The following ZNF391 variants were observed in gnomAD, a reference collection of about 807,000 sequenced individuals.
ZNF391 encodes zinc finger protein 391.
For missense variants in ZNF391, 375 were observed against 425.5 expected, an observed-to-expected ratio of 0.88 and a Z score of 1.04; for synonymous variants, 126 against 142.1, an observed-to-expected ratio of 0.89 and a Z score of 0.80.
chr6:27,384,620 G>A (rs1761558233), upstream of ZNF391, among the ~76,000 whole-genome samples: 1 of 151,976 alleles, frequency 6.6e-6, no homozygotes, highest in South Asian at 2.1e-4. Flanking sequence ...TTTACTCAAT[G>A]ATATATATAT....
Position 27,401,488 on chromosome 6 carries a change from C to A in ZNF391, c.*41C>A. The A allele has an allele frequency of 7.0e-7, 1 of 1,427,622 alleles. No individual in the cohort carries two copies. The highest frequency in any genetic ancestry group is 9.5e-7 in the Non-Finnish European group (1 of 1,051,680). The allele number at this position is 1,427,622 out of a possible 1,614,324, so 88.4% of individuals were successfully genotyped here. On this transcript the variant is annotated 3_prime_UTR_variant, in exon 3 of 3. Transcript: ENST00000244576. ...TAATGTTAGCATAAGAACACATATA[C>A]CTAACCTCCCACCACTGAAATATAT...
intron 1 of ZNF391, among the ~76,000 whole-genome samples, chr6:27,395,348 G>A (rs1561812344): frequency 6.6e-6 from 1 of 151,496 alleles, no homozygotes; most frequent in Non-Finnish European, 1.5e-5. Flanking sequence ...GAGATCTGTT[G>A]TGTAAAAGCG....
In ZNF391 at chr6:27,388,877, GAA is replaced by G. The variant is rs1761632751; in HGVS notation, c.-385_-384del. 1 of 455,876 alleles carries G rather than the reference GAA, an allele frequency of 2.2e-6. No homozygotes were observed. The highest frequency in any genetic ancestry group is 2.0e-5 in the African/African-American group (1 of 50,042). 28.2% of individuals were successfully genotyped at this position (455,876 alleles called of 1,614,324 possible). A position where few individuals can be genotyped will look rare whatever the true frequency, so the allele number is the denominator to read the frequency against. ...AGCATGATCAGCAGCAGTCTGAGTG[GAA>G]GAGTGCCTGTGATCTTAGGGAACCT... is the stretch of plus-strand genomic sequence containing the variant. On this transcript the variant is annotated 5_prime_UTR_variant, in exon 1 of 3. The change creates a premature stop within an existing upstream ORF in the 5' untranslated region. Coordinates refer to ENST00000244576, the MANE Select transcript of ZNF391 (RefSeq NM_001076781.3).
chr6:27,402,224 T>G lies in ZNF391; in HGVS notation c.*777T>G, dbSNP rs1303852074. On this transcript the variant is annotated 3_prime_UTR_variant, in exon 3 of 3. Transcript: ENST00000244576. Reference sequence around the variant, plus strand: ...AAAAAAGTTGCCAAATGCTGTGCTGTTTTTTTTGTTTGTTTTTAATTTTCT... The same window carrying G: ...AAAAAAGTTGCCAAATGCTGTGCTGGTTTTTTTGTTTGTTTTTAATTTTCT... 3.3e-5 allele frequency: 5 copies of G among 151,338 alleles called. 1 individual carries two copies. The South Asian group carries it at 6.3e-4, about 19-fold the overall frequency. The allele number at this position is 151,338 out of a possible 1,614,324, so 9.4% of individuals were successfully genotyped here.
intron 1 of ZNF391, among the ~76,000 whole-genome samples, chr6:27,391,778 A>G (rs1284821808): frequency 6.6e-6 from 1 of 152,176 alleles, no homozygotes; most frequent in Non-Finnish European, 1.5e-5. Context: ...CAAGGGGACT[A>G]TTCTTCATTT....
chr6:27,389,484 G>T lies in ZNF391; in HGVS notation c.-188+409G>T, dbSNP rs182642245. On this transcript the variant is annotated intron_variant, in intron 1 of 2. Coordinates refer to ENST00000244576, the MANE Select transcript of ZNF391 (RefSeq NM_001076781.3). ...AGTAATGTACTATTATTATGCCCAT[G>T]TTACAGATAAGGAAATTGAGGCACA... 3 of 440,884 alleles carry T rather than the reference G, an allele frequency of 6.8e-6. No individual in the cohort carries two copies. In the East Asian group the frequency reaches 2.1e-4, roughly 31 times the overall value. The allele number at this position is 440,884 out of a possible 1,614,324, so 27.3% of individuals were successfully genotyped here.
chr6:27,395,777 A>G (rs559104276), intron 1 of ZNF391, among the ~76,000 whole-genome samples: 20 of 152,244 alleles, frequency 1.3e-4, no homozygotes, highest in African/African-American at 4.3e-4. Flanking sequence ...TAGTGAGACA[A>G]GTTGCAAAAA....
At chr6:27,387,258 A>G (rs1761598133), upstream of ZNF391, among the ~76,000 whole-genome samples, 1 of 152,230 alleles carries the variant, frequency 6.6e-6, no homozygotes, top group South Asian at 2.1e-4. Context: ...GCTGATGGGA[A>G]TGTAAAACGA....
At chr6:27,389,973 G>C (rs1761668612) in intron 1 of ZNF391, among the ~76,000 whole-genome samples, 1 of 152,164 alleles carries the variant, frequency 6.6e-6, no homozygotes, top group South Asian at 2.1e-4. Flanking sequence ...TTTGTGCTTT[G>C]AGCCAATATC....
chr6:27,387,467 T>C (rs1761601302), upstream of ZNF391, among the ~76,000 whole-genome samples: 1 of 152,162 alleles, frequency 6.6e-6, no homozygotes, highest in South Asian at 2.1e-4. Flanking sequence ...CAACAAGAGA[T>C]TAATGGATAA....
chr6:27,387,904 T>C (rs1761610248), upstream of ZNF391, among the ~76,000 whole-genome samples: 1 of 152,240 alleles, frequency 6.6e-6, no homozygotes, highest in Non-Finnish European at 1.5e-5. Flanking sequence ...GTTTTTAATT[T>C]TTAAAAATAG....
intron 2 of ZNF391, 53 bp downstream of exon 2, chr6:27,399,603 AG>A (rs1761905500): frequency 6.6e-6 from 1 of 152,238 alleles, no homozygotes; most frequent in Non-Finnish European, 1.5e-5. Context: ...GATGAGATCT[AG>A]TCCAAGCCCT....
chr6:27,382,087 T>C (rs2113639601), intron 1 of ZNF391, among the ~76,000 whole-genome samples: 1 of 142,758 alleles, frequency 7.0e-6, no homozygotes, highest in African/African-American at 2.6e-5. Context: ...AATCCCAGAC[T>C]TTGGGAGGCC....
chr6:27,380,596 T>G (rs1313282290), intron 1 of ZNF391, among the ~76,000 whole-genome samples: 1 of 152,206 alleles, frequency 6.6e-6, no homozygotes, highest in East Asian at 1.9e-4. Flanking sequence ...CTGCTTTTAT[T>G]CTGTTATCTG....
intron 1 of ZNF391, among the ~76,000 whole-genome samples, chr6:27,382,466 A>G (rs1360527631): frequency 1.3e-5 from 2 of 152,228 alleles, no homozygotes; most frequent in Non-Finnish European, 2.9e-5. Flanking sequence ...AATACGAAAA[A>G]GGCACAAAAT....
rs187493377 is a variant in ZNF391, at chr6:27,390,011, T to C, written c.-188+936T>C. 6.7e-3 allele frequency among the ~76,000 whole-genome samples: 1,024 copies of C among 152,338 alleles called. 16 individuals are homozygous for C. The highest frequency in any genetic ancestry group is 0.021 in the African/African-American group (868 of 41,574). ...GGAACATTGTTACCTGAAGATCACCTTTGGTAGGACAAGATTTTCTCTATT... is the reference window on the plus strand; with the variant it reads ...GGAACATTGTTACCTGAAGATCACCCTTGGTAGGACAAGATTTTCTCTATT... On this transcript the variant is annotated intron_variant, in intron 1 of 2. Coordinates refer to ENST00000244576, the MANE Select transcript of ZNF391 (RefSeq NM_001076781.3).
intron 2 of ZNF391, 44 bp from the exon 3 acceptor site, chr6:27,400,248 TC>T (rs1258446943): frequency 1.3e-6 from 1 of 787,366 alleles, no homozygotes; most frequent in African/African-American, 1.7e-5. Context: ...TTCTTTGCTC[TC>T]CATAGTAGAT....
chr6:27,390,575 CTT>C (rs1761682223), intron 1 of ZNF391, among the ~76,000 whole-genome samples: 1 of 152,130 alleles, frequency 6.6e-6, no homozygotes, highest in Non-Finnish European at 1.5e-5. Context: ...ATCCCTGAAA[CTT>C]TTGTCACATC....
At position 27,400,727 on chromosome 6, in the gene ZNF391, T is replaced by G; in HGVS notation, c.357T>G (p.Ser119Arg). Residue 119 changes from serine to arginine, a missense_variant, in exon 3 of 3, where the codon AGT becomes AGG. By Grantham distance (110) the Ser-to-Arg change is moderately radical. Transcript: ENST00000244576. ...GCAATGAATGTGAAAAAGCCTTTAG[T>G]TACCAATCAGACCTTCTTGTACACA... ...CKCNECEKAFSYQSDLLVHSR... is the reference protein window; with the variant it reads ...CKCNECEKAFRYQSDLLVHSR... 1 of 1,613,950 alleles carries G rather than the reference T, an allele frequency of 6.2e-7. No homozygotes were observed. Among genetic ancestry groups the G allele is most frequent in the African/African-American group, 1.3e-5 (1 of 75,000 alleles).
Sources: allele counts gnomAD v4.1 joint callset (sites outside exome capture counted in the v4.1 genomes callset), GRCh38; gene constraint gnomAD v4.1.1; transcripts MANE v1.5; gene names NCBI Gene and HGNC (gene_info 2026-07-23, HGNC 2026-07-21).